Variants in FAM217A observed in about 807,000 individuals in gnomAD.
The protein encoded by FAM217A is protein FAM217A.
Under a neutral mutation model 18.5 loss-of-function variants are expected in FAM217A, and 13 were observed. The ratio of observed to expected loss-of-function variants is 0.70; its 90% CI spans 0.46 to 1.12. FAM217A has a LOEUF of 1.12. FAM217A is among the 50% of genes most tolerant of loss of function. The pLI is 0.00. For missense variants in FAM217A, 560 were observed against 575.4 expected (o/e 0.97, Z 0.27); for synonymous variants, 161 against 202.8 (o/e 0.79, Z 1.75).
At chr6:4,073,878 G>C (rs771731735) in intron 4 of FAM217A, among the ~76,000 whole-genome samples, 1 of 152,162 alleles carries the variant, frequency 6.6e-6, no homozygotes, top group Non-Finnish European at 1.5e-5. Context: ...ACAGGGTCTC[G>C]TTCTGTTGCC....
chr6:4,072,202 A>G (rs1769467281), intron 6 of FAM217A, among the ~76,000 whole-genome samples: 1 of 152,054 alleles, frequency 6.6e-6, no homozygotes, highest in South Asian at 2.1e-4. Context: ...TTAGCCAGGC[A>G]TGGTGGCGGG....
At chr6:4,079,919 C>T (rs1224422756), upstream of FAM217A, among the ~76,000 whole-genome samples, 1 of 151,872 alleles carries the variant, frequency 6.6e-6, no homozygotes, top group Admixed American at 6.6e-5. Flanking sequence ...CCCCGAAATG[C>T]ATATCTCCTA....
chr6:4,085,309 A>ATATAT (rs1218177567), intron 1 of FAM217A, among the ~76,000 whole-genome samples: 2 of 114,408 alleles, frequency 1.7e-5, no homozygotes, highest in East Asian at 3.6e-4. Flanking sequence ...ATTGTAAAAA[A>ATATAT]AAATATATAT....
Position 4,068,992 on chromosome 6 carries a change from A to G in FAM217A, c.1231T>C (p.Cys411Arg), listed in dbSNP as rs767241404. The change falls in exon 7 of 7, where the codon TGC becomes CGC. Residue 411 changes from cysteine (C) to arginine (R), a missense_variant. Transcript: ENST00000274673. The part of the protein sequence containing the change: ...KNPKSSILSP[C>R]QELSFKPTIG... ...GTAGGTTTGAATGAGAGTTCTTGGC[A>G]TGGACTTAAAATAGAACTTTTGGGA... 16 of 1,614,086 alleles carry G rather than the reference A, an allele frequency of 9.9e-6. No individual in the cohort carries two copies. The highest frequency in any genetic ancestry group is 1.4e-5 in the Non-Finnish European group (16 of 1,180,000).
At chr6:4,082,036 C>G (rs1341349812), upstream of FAM217A, among the ~76,000 whole-genome samples, 2 of 152,140 alleles carry the variant, frequency 1.3e-5, no homozygotes, top group East Asian at 1.9e-4. Flanking sequence ...ATTATCACCC[C>G]CACTCAACTG....
rs1769167279 is a variant in FAM217A at position 4,068,429 on chromosome 6, T to G, written c.*267A>C. ...ACAATCACTGAAAAAAGAGTAGCCT[T>G]TTGAATAGAATAGTCTACCAAGTGA... On this transcript the variant is annotated 3_prime_UTR_variant, in exon 7 of 7. Coordinates refer to ENST00000274673, the MANE Select transcript of FAM217A (RefSeq NM_173563.3). 6.3e-6 allele frequency: 2 copies of G among 315,864 alleles called. No individual in the cohort carries two copies. Among genetic ancestry groups the G allele is most frequent in the Non-Finnish European group, 1.1e-5 (2 of 174,238 alleles). The allele number at this position is 315,864 out of a possible 1,614,324, so 19.6% of individuals were successfully genotyped here.
chr6:4,086,388 G>A (rs1770657842), intron 1 of FAM217A, among the ~76,000 whole-genome samples: 1 of 145,766 alleles, frequency 6.9e-6, no homozygotes, highest in Non-Finnish European at 1.5e-5. Context: ...AGAGGTTGCA[G>A]TGAGCCGAGA....
intron 2 of FAM217A, among the ~76,000 whole-genome samples, chr6:4,075,149 C>T (rs1769694842): frequency 6.6e-6 from 1 of 152,040 alleles, no homozygotes; most frequent in Non-Finnish European, 1.5e-5. Flanking sequence ...GCCTGGCCAA[C>T]ATGGTGAAAC....
upstream of FAM217A, chr6:4,079,298 G>T (rs1770095603): frequency 6.4e-6 from 1 of 155,654 alleles, no homozygotes; most frequent in Admixed American, 6.5e-5. Context: ...GACGCACGGG[G>T]CCGCCAGGGG....
chr6:4,085,309 A>T (rs973338706), intron 1 of FAM217A, among the ~76,000 whole-genome samples: 15 of 114,382 alleles, frequency 1.3e-4, no homozygotes, highest in African/African-American at 4.6e-4. Flanking sequence ...ATTGTAAAAA[A>T]AAATATATAT....
chr6:4,087,078 C>T (rs777371443), upstream of FAM217A: 1 of 399,734 alleles, frequency 2.5e-6, no homozygotes, highest in Non-Finnish European at 4.4e-6. Context: ...CTGAGGACTG[C>T]ACTGATGTAA....
chr6:4,082,279 C>T (rs1770351202), upstream of FAM217A, among the ~76,000 whole-genome samples: 2 of 152,306 alleles, frequency 1.3e-5, no homozygotes, highest in East Asian at 1.9e-4. Flanking sequence ...ACATCAATCC[C>T]AAGGCCAAAG....
chr6:4,079,472 T>C, upstream of FAM217A: 1 of 428,474 alleles, frequency 2.3e-6, no homozygotes, highest in Non-Finnish European at 4.0e-6. Flanking sequence ...CCCCCAGGCG[T>C]CCTGGACCTT....
At chr6:4,078,049 C>CTTTTTTTTTTTTTTTTTTT (rs10600748) in intron 1 of FAM217A, among the ~76,000 whole-genome samples, 1 of 114,010 alleles carries the variant, frequency 8.8e-6, no homozygotes, top group African/African-American at 3.7e-5. Flanking sequence ...GAAAGAATCA[C>CTTTTTTTTTTTTTTTTTTT]TTTTTTTTTT....
Position 4,068,998 on chromosome 6 carries a change from T to A in FAM217A, c.1225A>T (p.Ser409Cys), listed in dbSNP as rs1769208288. ...YDKNPKSSIL[S>C]PCQELSFKPT... The stretch of plus-strand genomic sequence containing the variant: ...TTGAATGAGAGTTCTTGGCATGGAC[T>A]TAAAATAGAACTTTTGGGATTCTTA... Residue 409 changes from serine to cysteine, a missense_variant, in exon 7 of 7, where the codon AGT (serine) becomes TGT (cysteine). Coordinates refer to ENST00000274673, the MANE Select transcript of FAM217A (RefSeq NM_173563.3). The A allele has an allele frequency of 6.2e-7, 1 of 1,613,888 alleles. No individual in the cohort carries two copies.
At position 4,069,608 on chromosome 6, in the gene FAM217A, T is replaced by A; in HGVS notation, c.615A>T (p.Leu205Phe). 1 of 1,614,162 alleles carries A rather than the reference T, an allele frequency of 6.2e-7. No individual in the cohort carries two copies. Among genetic ancestry groups the A allele is most frequent in the Non-Finnish European group, 8.5e-7 (1 of 1,180,024 alleles). Residue 205 changes from leucine to phenylalanine, a missense_variant, in exon 7 of 7, where the codon TTA becomes TTT. Leu to Phe is a conservative substitution (Grantham distance 22, BLOSUM62 0). Transcript: ENST00000274673. ...TATCATTTGTCTTCTCATTTTCTGA[T>A]AAATCACTTTCATCTGTGAAATTTT... The part of the protein sequence containing the change: ...VEENFTDESD[L>F]SENEKTNDTL...
chr6:4,075,825 A>G (rs1769753668), intron 2 of FAM217A, among the ~76,000 whole-genome samples: 2 of 152,280 alleles, frequency 1.3e-5, no homozygotes, highest in African/African-American at 4.8e-5. Flanking sequence ...CCACAAAGAG[A>G]TATCTCCTGA....
Position 4,069,905 on chromosome 6 carries a change from A to T in FAM217A, c.318T>A (p.Ser106=). ...TTACATTAAAGCCAGTTTCCACTGA[A>T]GATTTTTTGAATTCCCTTTAAAAAA... ...STIEKREFKK[S]SVETGFNVIN... is the part of the protein sequence containing the mutation. The change falls in exon 7 of 7, where the codon TCT becomes TCA. Residue 106 remains serine, a synonymous_variant. Transcript: ENST00000274673. 1 of 1,567,676 alleles carries T rather than the reference A, an allele frequency of 6.4e-7. No homozygotes were observed. Among genetic ancestry groups the T allele is most frequent in the Non-Finnish European group, 8.6e-7 (1 of 1,158,568 alleles).
chr6:4,069,039 A>C lies in FAM217A; in HGVS notation c.1184T>G (p.Leu395Trp). The C allele has an allele frequency of 6.2e-7, 1 of 1,613,886 alleles. No homozygotes were observed. Among genetic ancestry groups the C allele is most frequent in the Non-Finnish European group, 8.5e-7 (1 of 1,179,946 alleles). The change falls in exon 7 of 7, where the codon TTG (leucine) becomes TGG (tryptophan). Residue 395 changes from leucine to tryptophan, a missense_variant. By Grantham distance (61) the Leu-to-Trp change is moderately conservative. Transcript: ENST00000274673. ...SLKSSSTPKQ[L>W]IETYDKNPKS... ...GGGATTCTTATCATAAGTTTCAATC[A>C]ATTGTTTTGGGGTGGAAGAACTTTT...
Sources: allele counts gnomAD v4.1 joint callset (sites outside exome capture counted in the v4.1 genomes callset), GRCh38; gene constraint gnomAD v4.1.1; transcripts MANE v1.5; gene names NCBI Gene and HGNC (gene_info 2026-07-23, HGNC 2026-07-21).